The following MBD5 variants were observed in gnomAD, a reference collection of about 807,000 sequenced individuals.
MBD5 encodes methyl-CpG-binding domain protein 5.
A neutral mutation model predicts 117.3 loss-of-function variants in MBD5; 13 were observed. The ratio of observed to expected loss-of-function variants is 0.11; its 90% confidence interval spans 0.07 to 0.18. MBD5 has a LOEUF of 0.18. MBD5 is among the 10% of genes least tolerant of loss of function. The pLI is 1.00. For synonymous variants in MBD5, 727 were observed against 766.4 expected (o/e 0.95, Z 0.85); for missense variants, 1,879 against 2,093.8 (o/e 0.90, Z 2.00).
At chr2:148,352,868 A>G (rs958499691) in intron 4 of MBD5, among the ~76,000 whole-genome samples, 1 of 152,286 alleles carries the variant, frequency 6.6e-6, no homozygotes. Flanking sequence ...AAGTGATAAC[A>G]TAAAAACTAA....
In MBD5 at chr2:148,468,510, C is replaced by T. The variant is rs774897392; in HGVS notation, c.567C>T (p.Ser189=). 2 of 1,613,712 alleles carry T rather than the reference C, an allele frequency of 1.2e-6. No homozygotes were observed. The highest frequency in any genetic ancestry group is 1.7e-6 in the Non-Finnish European group (2 of 1,179,862). The change falls in exon 8 of 14, where the codon AGC becomes AGT. Residue 189 remains serine, a synonymous_variant. Coordinates refer to ENST00000642680, the MANE Select transcript of MBD5 (RefSeq NM_001378120.1). ...GRLYVQELPG[S]QQQELHPVYP... Reference sequence around the variant, plus strand: ...TATATGTACAAGAACTGCCTGGAAGCCAACAACAAGAACTCCACCCTGTCT... The same window carrying T: ...TATATGTACAAGAACTGCCTGGAAGTCAACAACAAGAACTCCACCCTGTCT...
At chr2:148,295,308 A>G (rs920034712) in intron 3 of MBD5, among the ~76,000 whole-genome samples, 5 of 152,240 alleles carry the variant, frequency 3.3e-5, no homozygotes, top group South Asian at 2.1e-4. Flanking sequence ...TTATTCTGCC[A>G]ACTGAAATCT....
chr2:148,104,428 T>C (rs1300961862), intron 1 of MBD5, among the ~76,000 whole-genome samples: 1 of 152,196 alleles, frequency 6.6e-6, no homozygotes, highest in African/African-American at 2.4e-5. Flanking sequence ...AACCAGTGTC[T>C]TTATTATGCT....
At chr2:148,148,243 C>A (rs1326709126) in intron 1 of MBD5, among the ~76,000 whole-genome samples, 2 of 152,108 alleles carry the variant, frequency 1.3e-5, no homozygotes, top group African/African-American at 4.8e-5. Context: ...TGAGAATGGA[C>A]ATTTGGGAAC....
chr2:148,334,496 C>T (rs1229857176), intron 3 of MBD5, among the ~76,000 whole-genome samples: 1 of 151,990 alleles, frequency 6.6e-6, no homozygotes, highest in African/African-American at 2.4e-5. Context: ...CTAAGCCTGA[C>T]TCCTTTTTTT....
intron 4 of MBD5, among the ~76,000 whole-genome samples, chr2:148,422,748 A>G (rs1705648181): frequency 6.6e-6 from 1 of 152,234 alleles, no homozygotes; most frequent in South Asian, 2.1e-4. Context: ...AAATGACCTC[A>G]TGGAGCTGAA....
intron 3 of MBD5, among the ~76,000 whole-genome samples, chr2:148,246,589 T>G (rs1339289879): frequency 6.6e-6 from 1 of 151,702 alleles, no homozygotes; most frequent in Non-Finnish European, 1.5e-5. Context: ...GCCAAGATGG[T>G]GAAACCCCAC....
In MBD5 at chr2:148,178,707, T is replaced by C. The variant is rs1698445723; in HGVS notation, c.-917T>C. ...CTTATGCTTCTCTTTTAGATGTACA[T>C]TGAAGATGTCAGTTTCTACATGTGG... is the stretch of plus-strand genomic sequence containing the variant. On this transcript the variant is annotated 5_prime_UTR_variant, in exon 2 of 14. Coordinates refer to ENST00000642680, the MANE Select transcript of MBD5 (RefSeq NM_001378120.1). The C allele has an allele frequency of 2.5e-6, 1 of 398,418 alleles. No individual in the cohort carries two copies. Among genetic ancestry groups the C allele is most frequent in the Non-Finnish European group, 4.4e-6 (1 of 225,722 alleles). The allele number at this position is 398,418 out of a possible 1,614,324, so 24.7% of individuals were successfully genotyped here.
intron 2 of MBD5, among the ~76,000 whole-genome samples, chr2:148,204,327 GA>G (rs879280450): frequency 8.6e-5 from 13 of 150,682 alleles, no homozygotes; most frequent in Non-Finnish European, 1.5e-4. Flanking sequence ...ATAAACCAAA[GA>G]AAAAAAAGAT....
chr2:148,282,279 T>C lies in MBD5; in HGVS notation c.-680+48884T>C, dbSNP rs953835293. On this transcript the variant is annotated intron_variant, in intron 3 of 13. Transcript: ENST00000642680. ...TGTCAAACCCATCACCTTTGGCATATATATGATTCATTCTATTTATTTGTT... is the reference window on the plus strand; with the variant it reads ...TGTCAAACCCATCACCTTTGGCATACATATGATTCATTCTATTTATTTGTT... Among the ~76,000 whole-genome samples, 3 of 152,154 alleles carry C rather than the reference T, an allele frequency of 2.0e-5. 1 individual carries two copies. The highest frequency in any genetic ancestry group is 4.4e-5 in the Non-Finnish European group (3 of 67,998).
chr2:148,259,005 C>T (rs113184824), intron 3 of MBD5, among the ~76,000 whole-genome samples: 107 of 152,272 alleles, frequency 7.0e-4, no homozygotes, highest in African/African-American at 2.2e-3. Flanking sequence ...GAACCCAACA[C>T]GAGACTCCTC....
intron 4 of MBD5, among the ~76,000 whole-genome samples, chr2:148,411,512 CT>C (rs1188326755): frequency 0.081 from 7,924 of 97,320 alleles, 293 homozygotes; most frequent in African/African-American, 0.22. Flanking sequence ...AGCATCTGTT[CT>C]TTTTTTTTTT....
chr2:148,485,342 AT>A (rs1681302894), intron 9 of MBD5: 1 of 180,732 alleles, frequency 5.5e-6, no homozygotes, highest in Non-Finnish European at 1.2e-5. Flanking sequence ...AGGCTCACTT[AT>A]TTTAATTATC....
intron 1 of MBD5, among the ~76,000 whole-genome samples, chr2:148,022,973 T>C (rs1029595614): frequency 6.6e-6 from 1 of 152,188 alleles, no homozygotes; most frequent in African/African-American, 2.4e-5. Context: ...CTAGGGCTTA[T>C]ATTGGAAAGT....
Position 148,483,562 on chromosome 2 carries a change from G to T in MBD5, c.2971G>T (p.Ala991Ser), listed in dbSNP as rs1160611775. ...GCCTGTTCACTTTCAGCTCTTAGCA[G>T]CCTTGCTTCAGAACCAAGCCCAAGC... Reference protein sequence around the residue: ...LQPVHFQLLAALLQNQAQAAA... With the variant: ...LQPVHFQLLASLLQNQAQAAA... Residue 991 changes from alanine (A) to serine (S), a missense_variant, in exon 9 of 14, where the codon GCC becomes TCC. Physicochemically the swap from Ala to Ser is moderately conservative, Grantham distance 99. Transcript: ENST00000642680. The T allele has an allele frequency of 6.4e-7, 1 of 1,571,656 alleles. No homozygotes were observed. The highest frequency in any genetic ancestry group is 8.6e-7 in the Non-Finnish European group (1 of 1,158,404).
At chr2:148,051,053 G>A (rs1694685692) in intron 1 of MBD5, among the ~76,000 whole-genome samples, 1 of 152,132 alleles carries the variant, frequency 6.6e-6, no homozygotes, top group Admixed American at 6.5e-5. Context: ...TCCAGTCCAT[G>A]AACAGTATGT....
At chr2:148,312,857 G>A (rs28833020) in intron 3 of MBD5, among the ~76,000 whole-genome samples, 1 of 152,252 alleles carries the variant, frequency 6.6e-6, no homozygotes, top group Non-Finnish European at 1.5e-5. Context: ...TTTTGTTGAT[G>A]TCGATGCTAT....
At chr2:148,400,121 A>G (rs1409163901) in intron 4 of MBD5, among the ~76,000 whole-genome samples, 1 of 152,050 alleles carries the variant, frequency 6.6e-6, no homozygotes, top group Non-Finnish European at 1.5e-5. Context: ...TATATTTTAA[A>G]AGATCATTGA....
chr2:148,401,184 C>G, intron 4 of MBD5, among the ~76,000 whole-genome samples: 1 of 152,140 alleles, frequency 6.6e-6, no homozygotes. Context: ...TAAGATTAGT[C>G]TGACATGTCT....
Sources: gnomAD v4.1 joint callset for allele counts (sites outside exome capture counted in the v4.1 genomes callset) on GRCh38, gnomAD v4.1.1 for gene constraint, MANE v1.5 for transcripts, NCBI Gene and HGNC (gene_info 2026-07-23, HGNC 2026-07-21) for gene names.